Variants in CDCA2 observed in about 807,000 individuals in gnomAD.
CDCA2 encodes the protein cell division cycle-associated protein 2.
CDCA2 carries 44 observed loss-of-function variants against 67.0 expected under a neutral mutation model. The observed-to-expected ratio is 0.66, with a 90% CI of 0.52 to 0.84. The LOEUF is 0.84. Ranked by LOEUF, CDCA2 falls within the 40% of genes least tolerant of loss-of-function variation. The pLI is 0.00. For missense variants in CDCA2, 1,253 were observed against 1,203.2 expected (o/e 1.04, Z -0.61); for synonymous variants, 447 against 418.7 (o/e 1.07, Z -0.82).
At chr8:25,480,672 G>A (rs1293385564) in intron 8 of CDCA2, among the ~76,000 whole-genome samples, 1 of 152,130 alleles carries the variant, frequency 6.6e-6, no homozygotes, top group Non-Finnish European at 1.5e-5. Flanking sequence ...GAAAGGTATA[G>A]GACCTGTTTG....
chr8:25,507,324 T>A lies in CDCA2; in HGVS notation c.2658T>A (p.Ser886Arg), dbSNP rs891437327. The A allele has an allele frequency of 1.2e-6, 2 of 1,613,942 alleles. No individual in the cohort carries two copies. Residue 886 changes from serine to arginine, a missense_variant, in exon 15 of 15, where the codon AGT becomes AGA. Physicochemically the swap from Ser to Arg is moderately radical, Grantham distance 110. Transcript: ENST00000330560. The stretch of plus-strand genomic sequence containing the variant: ...AGCAAACCTTTCAGAGGAGAAATAG[T>A]GAAACCAAAGTGCGACGTAGCACGA... The part of the protein sequence containing the change: ...AIEQTFQRRN[S>R]ETKVRRSTRL...
intron 7 of CDCA2, among the ~76,000 whole-genome samples, chr8:25,470,714 A>C (rs965846232): frequency 6.6e-6 from 1 of 151,772 alleles, no homozygotes; most frequent in Non-Finnish European, 1.5e-5. Flanking sequence ...CTTCATTATA[A>C]GCCTCACAAG....
intron 10 of CDCA2, among the ~76,000 whole-genome samples, chr8:25,484,794 T>C (rs1237596037): frequency 6.6e-6 from 1 of 152,086 alleles, no homozygotes; most frequent in African/African-American, 2.4e-5. Flanking sequence ...TGATGAATAC[T>C]ACCAAACACT....
At chr8:25,500,876 A>G (rs1486742090) in intron 13 of CDCA2, among the ~76,000 whole-genome samples, 1 of 152,244 alleles carries the variant, frequency 6.6e-6, no homozygotes, top group East Asian at 1.9e-4. Flanking sequence ...AGGTACAGAA[A>G]GTTGACTTGC....
At position 25,460,372 on chromosome 8, in the gene CDCA2, C is replaced by T. The variant is rs2117470488; in HGVS notation, c.62-12C>T. The T allele has an allele frequency of 3.1e-6, 5 of 1,614,162 alleles. No individual in the cohort carries two copies. Among genetic ancestry groups the T allele is most frequent in the South Asian group, 1.1e-5 (1 of 91,086 alleles). ...AGTTGTCCTCACCCCTACAATATGTCGTCCGTTTCAGGAAATGCCTCTTTC... is the reference window on the plus strand; with the variant it reads ...AGTTGTCCTCACCCCTACAATATGTTGTCCGTTTCAGGAAATGCCTCTTTC... On this transcript the variant is annotated splice_polypyrimidine_tract_variant and intron_variant, in intron 2 of 14. Transcript: ENST00000330560.
At chr8:25,467,063 A>AC (rs1802936801) in intron 5 of CDCA2, among the ~76,000 whole-genome samples, 2 of 141,402 alleles carry the variant, frequency 1.4e-5, no homozygotes, top group African/African-American at 5.6e-5. Context: ...AAAAAAAAAA[A>AC]AAACACACAC....
In CDCA2 at chr8:25,462,121, A is replaced by G. The variant is rs748916097; in HGVS notation, c.300A>G (p.Glu100=). 5.6e-6 allele frequency: 9 copies of G among 1,614,254 alleles called. No homozygotes were observed. The highest frequency in any genetic ancestry group is 7.6e-6 in the Non-Finnish European group (9 of 1,180,038). The change falls in exon 4 of 15, where the codon GAA becomes GAG. Residue 100 remains glutamate, a synonymous_variant. Transcript: ENST00000330560. ...RSAVGARGSP[E]TNHLIRFIAR... is the part of the protein sequence containing the mutation. Reference sequence around the variant, plus strand: ...CAGTCGGTGCTCGGGGCTCTCCTGAAACAAACCATCTGATTCGTTTCATTG... The same window carrying G: ...CAGTCGGTGCTCGGGGCTCTCCTGAGACAAACCATCTGATTCGTTTCATTG...
chr8:25,472,261 T>A (rs11775358), intron 7 of CDCA2: 32,512 of 151,310 alleles, frequency 0.21, 3,572 homozygotes, highest in East Asian at 0.25. Context: ...TTATTTATTT[T>A]TTTTTTTTGA....
intron 8 of CDCA2, 58 bp downstream of exon 8, chr8:25,480,182 G>A (rs1803514323): frequency 7.4e-6 from 10 of 1,348,126 alleles, no homozygotes; most frequent in Non-Finnish European, 1.0e-5. Context: ...TTGCTTCAAA[G>A]TAATACCCTT....
At position 25,503,426 on chromosome 8, in the gene CDCA2, A is replaced by T. The variant is rs1178453861; in HGVS notation, c.1725A>T (p.Lys575Asn). The change falls in exon 14 of 15, where the codon AAA (lysine) becomes AAT (asparagine). Residue 575 changes from lysine to asparagine, a missense_variant. Transcript: ENST00000330560. Reference protein sequence around the residue: ...KKGKGKKSVQKSLYGERDIAS... With the variant: ...KKGKGKKSVQNSLYGERDIAS... ...GAAAGGGAAAGAAAAGTGTTCAGAAATCTTTATATGGGGAAAGAGACATTG... is the reference window on the plus strand; with the variant it reads ...GAAAGGGAAAGAAAAGTGTTCAGAATTCTTTATATGGGGAAAGAGACATTG... 2.5e-6 allele frequency: 4 copies of T among 1,614,192 alleles called. No individual in the cohort carries two copies. The highest frequency in any genetic ancestry group is 3.4e-6 in the Non-Finnish European group (4 of 1,180,002).
rs568682068 is a variant in CDCA2 at position 25,503,225 on chromosome 8, G to T, written c.1672-148G>T. 3 of 626,710 alleles carry T rather than the reference G, an allele frequency of 4.8e-6. No homozygotes were observed. The South Asian group carries it at 6.0e-5, about 13-fold the overall frequency. The allele number at this position is 626,710 out of a possible 1,614,324, so 38.8% of individuals were successfully genotyped here. On this transcript the variant is annotated intron_variant, in intron 13 of 14. Transcript: ENST00000330560. ...CTTGAGCCCAGGGGCAGAAGTTGCA[G>T]TGAGCTGAGATTGTGCCACTGCACT...
intron 7 of CDCA2, among the ~76,000 whole-genome samples, chr8:25,473,543 C>T (rs1803238496): frequency 6.6e-6 from 1 of 152,144 alleles, no homozygotes; most frequent in South Asian, 2.1e-4. Context: ...GGCTGCATCT[C>T]AGTTTTTCTA....
rs1803887651 is a variant in CDCA2 at position 25,488,829 on chromosome 8, T to C, written c.1671+140T>C. ...AATGCAATCTTACCGTGGAGTAGAA[T>C]GGGGTGGGGGGGTTATGTACTTAAC... On this transcript the variant is annotated intron_variant, in intron 13 of 14. Coordinates refer to ENST00000330560, the MANE Select transcript of CDCA2 (RefSeq NM_152562.4). 5 of 593,398 alleles carry C rather than the reference T, an allele frequency of 8.4e-6. No individual in the cohort carries two copies. The East Asian group carries it at 2.4e-4, about 28-fold the overall frequency. The allele number at this position is 593,398 out of a possible 1,614,324, so 36.8% of individuals were successfully genotyped here. A position where few individuals can be genotyped will look rare whatever the true frequency, so the allele number is the denominator to read the frequency against.
At chr8:25,470,821 G>A (rs564362622) in intron 7 of CDCA2, among the ~76,000 whole-genome samples, 5 of 151,676 alleles carry the variant, frequency 3.3e-5, no homozygotes, top group African/African-American at 1.2e-4. Context: ...GAGTGCAGTG[G>A]TGTGATCTCA....
intron 7 of CDCA2, 99 bp downstream of exon 7, chr8:25,470,079 T>C: frequency 1.3e-6 from 1 of 790,120 alleles, no homozygotes; most frequent in Non-Finnish European, 2.1e-6. Context: ...TGAAATTGTT[T>C]CCTACTTTTT....
chr8:25,488,114 TCATAAAGTA>T (rs1189644522), intron 12 of CDCA2, among the ~76,000 whole-genome samples: 5 of 152,222 alleles, frequency 3.3e-5, no homozygotes, highest in Non-Finnish European at 7.3e-5. Context: ...GTTTATAACA[TCATAAAGTA>T]TAAACATATA....
At position 25,503,483 on chromosome 8, in the gene CDCA2, C is replaced by G. The variant is rs200781754; in HGVS notation, c.1782C>G (p.Pro594=). ...ASKKPLLSPI[P]ELPEVPEMTP... is the part of the protein sequence containing the mutation. ...AGAAGCCCCTCCTCAGTCCTATTCC[C>G]GAGCTGCCTGAAGTCCCTGAGATGA... Residue 594 remains proline (P), a synonymous_variant, in exon 14 of 15, where the codon CCC becomes CCG. Coordinates refer to ENST00000330560, the MANE Select transcript of CDCA2 (RefSeq NM_152562.4). 1.1e-5 allele frequency: 18 copies of G among 1,613,942 alleles called. No homozygotes were observed. The highest frequency in any genetic ancestry group is 1.7e-4 in the Middle Eastern group (1 of 6,060).
rs748690727 is a variant in CDCA2, at chr8:25,460,303, A to G, written c.61+3A>G. 7 of 1,614,180 alleles carry G rather than the reference A, an allele frequency of 4.3e-6. No homozygotes were observed. In the South Asian group the frequency reaches 6.6e-5, roughly 15 times the overall value. On this transcript the variant is annotated splice_donor_region_variant and intron_variant, in intron 2 of 14. Transcript: ENST00000330560. ...GGAGTCTGCAATGAATAATGCTGGT[A>G]TGTGATGATCTGCCTCCTTGTGAAG...
At position 25,485,745 on chromosome 8, in the gene CDCA2, T is replaced by C. The variant is rs372183720; in HGVS notation, c.1366-14T>C. ...ATTTAAAGATATCTAACTTCTGTCT[T>C]TTCCTTTGTTTAGGAAAACATAGAA... is the stretch of plus-strand genomic sequence containing the variant. On this transcript the variant is annotated splice_polypyrimidine_tract_variant and intron_variant, in intron 10 of 14. Transcript: ENST00000330560. 2.0e-5 allele frequency: 31 copies of C among 1,543,770 alleles called. 1 individual carries two copies. Among genetic ancestry groups the C allele is most frequent in the Non-Finnish European group, 2.7e-5 (31 of 1,129,704 alleles).
Sources: gnomAD v4.1 joint callset for allele counts (sites outside exome capture counted in the v4.1 genomes callset) on GRCh38, gnomAD v4.1.1 for gene constraint, MANE v1.5 for transcripts, NCBI Gene and HGNC (gene_info 2026-07-23, HGNC 2026-07-21) for gene names.